GADL1: variants seen among roughly 807,000 people sequenced by gnomAD.
GADL1 encodes the protein GAD like acidic amino acid decarboxylase 1, also known as acidic amino acid decarboxylase GADL1.
GADL1 carries 71 observed loss-of-function variants against 69.5 expected under a neutral mutation model. The observed-to-expected ratio is 1.02, with a 90% CI of 0.84 to 1.25. GADL1 has a LOEUF of 1.25. Ranked by LOEUF, GADL1 falls within the 50% of genes most tolerant of loss-of-function variation. GADL1 has a pLI of 0.00. For missense variants in GADL1, 737 were observed against 631.8 expected (o/e 1.17, Z -1.79); for synonymous variants, 254 against 214.4 (o/e 1.18, Z -1.62).
intron 14 of GADL1, among the ~76,000 whole-genome samples, chr3:30,741,665 T>C (rs139201017): frequency 0.012 from 1,874 of 152,330 alleles, 12 homozygotes; most frequent in Non-Finnish European, 0.017. Context: ...ATTTAATTAT[T>C]ATGATTAGAA....
chr3:30,752,393 G>A (rs7641037), intron 14 of GADL1, among the ~76,000 whole-genome samples: 6 of 152,020 alleles, frequency 3.9e-5, no homozygotes, highest in Non-Finnish European at 8.8e-5. Context: ...CATGGAGATA[G>A]ACATGTATGG....
intron 13 of GADL1, among the ~76,000 whole-genome samples, chr3:30,785,460 C>A (rs1457383693): frequency 6.6e-6 from 1 of 150,930 alleles, no homozygotes; most frequent in Non-Finnish European, 1.5e-5. Context: ...TAGCTCACCG[C>A]AACCACCGCC....
rs563473170 is a variant in GADL1 at position 30,744,403 on chromosome 3, T to C, written c.1393-15988A>G. ...TAATATCAATCAATAATACAGGAGA[T>C]GGCAAAAATTTTTTGTGAAGAGCCA... On this transcript the variant is annotated intron_variant, in intron 14 of 14. Transcript: ENST00000282538. 3.0e-3 allele frequency among the ~76,000 whole-genome samples: 456 copies of C among 152,244 alleles called. 1 individual carries two copies. The highest frequency in any genetic ancestry group is 0.011 in the African/African-American group (439 of 41,570).
Position 30,834,150 on chromosome 3 carries a change from A to G in GADL1, c.968+67T>C. The G allele has an allele frequency of 2.4e-6, 3 of 1,251,464 alleles. No individual in the cohort carries two copies. The South Asian group carries it at 3.8e-5, about 16-fold the overall frequency. The allele number at this position is 1,251,464 out of a possible 1,614,324, so 77.5% of individuals were successfully genotyped here. On this transcript the variant is annotated intron_variant, in intron 10 of 14. Coordinates refer to ENST00000282538, the MANE Select transcript of GADL1 (RefSeq NM_207359.3). ...CTTTGTTTTTTCCTATTTTCAAAATATCACTTAGTCCAAAGAGATCCCTTT... is the reference window on the plus strand; with the variant it reads ...CTTTGTTTTTTCCTATTTTCAAAATGTCACTTAGTCCAAAGAGATCCCTTT...
chr3:30,777,929 A>C (rs550802631), intron 14 of GADL1, among the ~76,000 whole-genome samples: 61 of 152,186 alleles, frequency 4.0e-4, no homozygotes, highest in Non-Finnish European at 7.9e-4. Flanking sequence ...TCACTTCCTG[A>C]AGTACACTGT....
chr3:30,857,864 G>A (rs1575237235), intron 2 of GADL1, among the ~76,000 whole-genome samples: 1 of 151,860 alleles, frequency 6.6e-6, no homozygotes, highest in African/African-American at 2.4e-5. Context: ...TTAACTACAC[G>A]AGGGAGGTTC....
rs113296603 is a variant in GADL1 at position 30,757,379 on chromosome 3, A to T, written c.1392+20800T>A. On this transcript the variant is annotated intron_variant, in intron 14 of 14. Transcript: ENST00000282538. The stretch of plus-strand genomic sequence containing the variant: ...GGAAAGTGAATAGATCAGAGGCTAG[A>T]TCATCAGAAGCCTATAAAAAGCATA... 4.9e-3 allele frequency among the ~76,000 whole-genome samples: 740 copies of T among 152,330 alleles called. 1 individual carries two copies. Among genetic ancestry groups the T allele is most frequent in the Middle Eastern group, 0.02 (6 of 294 alleles).
chr3:30,890,539 G>C lies in GADL1; in HGVS notation c.37+4039C>G, dbSNP rs72852614. On this transcript the variant is annotated intron_variant, in intron 1 of 14. Transcript: ENST00000282538. ...TATGCCAGTGACCAAAATCCTTTCT[G>C]AAAATCGCCTCCCTATGAATCACCT... Among the ~76,000 whole-genome samples, 662 of 152,274 alleles carry C rather than the reference G, an allele frequency of 4.3e-3. 8 individuals carry two copies. Among genetic ancestry groups the C allele is most frequent in the African/African-American group, 0.015 (638 of 41,562 alleles).
chr3:30,776,987 G>GGT, intron 14 of GADL1, among the ~76,000 whole-genome samples: 1 of 152,190 alleles, frequency 6.6e-6, no homozygotes, highest in South Asian at 2.1e-4. Context: ...CACACATTGG[G>GGT]GTAGATACCC....
chr3:30,894,579 G>T lies in GADL1; in HGVS notation c.36C>A (p.Asp12Glu). 6.5e-7 allele frequency: 1 copy of T among 1,550,326 alleles called. No homozygotes were observed. Among genetic ancestry groups the T allele is most frequent in the African/African-American group, 1.4e-5 (1 of 73,074 alleles). Residue 12 changes from aspartate to glutamate, a missense_variant and splice_region_variant, in exon 1 of 15, where the codon GAC becomes GAA. By Grantham distance (45) the Asp-to-Glu change is conservative (BLOSUM62 2). Transcript: ENST00000282538. ...ACCGCAGCCGCGCTGAGTCGTTACCGTCCACAGGACACTGGCGGTCCGAGT... is the reference window on the plus strand; with the variant it reads ...ACCGCAGCCGCGCTGAGTCGTTACCTTCCACAGGACACTGGCGGTCCGAGT... Reference protein sequence around the residue: ...SSDSDRQCPVDGDIDQQEMIP... With the variant: ...SSDSDRQCPVEGDIDQQEMIP...
chr3:30,834,341 G>C, intron 9 of GADL1, 60 bp from the exon 10 acceptor site: 1 of 1,419,486 alleles, frequency 7.0e-7, no homozygotes, highest in Non-Finnish European at 9.9e-7. Flanking sequence ...TTTACCAGTG[G>C]GTTGTCATAG....
At chr3:30,877,717 T>C (rs1476712270) in intron 1 of GADL1, among the ~76,000 whole-genome samples, 2 of 151,920 alleles carry the variant, frequency 1.3e-5, no homozygotes, top group African/African-American at 4.8e-5. Context: ...AATAGTCTTA[T>C]CAGCTAACAA....
intron 13 of GADL1, among the ~76,000 whole-genome samples, chr3:30,785,387 T>G (rs1696767112): frequency 6.9e-6 from 1 of 144,774 alleles, no homozygotes; most frequent in Non-Finnish European, 1.5e-5. Context: ...TTTTTCTTTT[T>G]TTTTTTTTCC....
intron 9 of GADL1, among the ~76,000 whole-genome samples, chr3:30,837,146 A>T (rs920942399): frequency 8.3e-6 from 1 of 120,264 alleles, no homozygotes; most frequent in Non-Finnish European, 1.6e-5. Flanking sequence ...TTTTATTTTT[A>T]AAAAGAGATA....
At chr3:30,752,190 T>C (rs1043083430) in intron 14 of GADL1, among the ~76,000 whole-genome samples, 11 of 150,776 alleles carry the variant, frequency 7.3e-5, no homozygotes, top group African/African-American at 2.5e-4. Flanking sequence ...TGTTAAGTTC[T>C]CTCAGGTAAC....
At chr3:30,751,387 C>T (rs1005900113) in intron 14 of GADL1, among the ~76,000 whole-genome samples, 9 of 151,982 alleles carry the variant, frequency 5.9e-5, no homozygotes, top group African/African-American at 1.4e-4. Context: ...TTCGCTCAGT[C>T]TGTGCTTTTT....
intron 14 of GADL1, among the ~76,000 whole-genome samples, chr3:30,767,185 A>T (rs1194293757): frequency 6.6e-6 from 1 of 152,216 alleles, no homozygotes; most frequent in African/African-American, 2.4e-5. Flanking sequence ...GTTCATGGTC[A>T]TGCAGCCAGT....
At chr3:30,820,503 G>A (rs571012659) in intron 11 of GADL1, among the ~76,000 whole-genome samples, 1 of 152,258 alleles carries the variant, frequency 6.6e-6, no homozygotes, top group Admixed American at 6.5e-5. Flanking sequence ...ATCTGGTGAA[G>A]TAGTTAAATA....
intron 14 of GADL1, among the ~76,000 whole-genome samples, chr3:30,739,136 C>T (rs1483498541): frequency 6.6e-6 from 1 of 152,158 alleles, no homozygotes; most frequent in Non-Finnish European, 1.5e-5. Flanking sequence ...CTTGGGAGGC[C>T]TAGCTTCCTG....
Sources: gnomAD v4.1 joint callset for allele counts (sites outside exome capture counted in the v4.1 genomes callset) on GRCh38, gnomAD v4.1.1 for gene constraint, MANE v1.5 for transcripts, NCBI Gene and HGNC (gene_info 2026-07-23, HGNC 2026-07-21) for gene names.